SAXO1: variants seen among roughly 807,000 people sequenced by gnomAD.
SAXO1 encodes 4930500O09Rik.
In SAXO1, 21 loss-of-function variants were observed where a neutral mutation model predicts 17.5. That is an observed-to-expected ratio of 1.20 (90% CI 0.85 to 1.72). SAXO1 has a LOEUF of 1.72. Among genes scored for constraint, SAXO1 ranks in the 40% most tolerant of loss-of-function variants. SAXO1 has a pLI of 0.00. For missense variants in SAXO1, 843 were observed against 596.0 expected, an observed-to-expected ratio of 1.41 and a Z score of -4.32; for synonymous variants, 274 against 216.5, an observed-to-expected ratio of 1.27 and a Z score of -2.33.
upstream of SAXO1, among the ~76,000 whole-genome samples, chr9:19,034,273 T>TG (rs35905857): frequency 0.15 from 22,716 of 151,566 alleles, 2,402 homozygotes; most frequent in African/African-American, 0.31. Context: ...TCTTTTTGTG[T>TG]GGGGGGGGTT....
At chr9:18,948,110 A>G (rs980035192) in intron 2 of SAXO1, among the ~76,000 whole-genome samples, 1 of 152,158 alleles carries the variant, frequency 6.6e-6, no homozygotes, top group East Asian at 1.9e-4. Flanking sequence ...GTGTGCAGAC[A>G]CTGGGCTGTG....
At chr9:18,944,776 A>G (rs1300408410) in intron 2 of SAXO1, among the ~76,000 whole-genome samples, 1 of 152,196 alleles carries the variant, frequency 6.6e-6, no homozygotes, top group Non-Finnish European at 1.5e-5. Flanking sequence ...AAATAACGTA[A>G]CAGTGAGCTA....
chr9:19,005,591 G>C (rs1318685080), intron 1 of SAXO1, among the ~76,000 whole-genome samples: 1 of 152,192 alleles, frequency 6.6e-6, no homozygotes, highest in Admixed American at 6.5e-5. Flanking sequence ...GAAGAATGAA[G>C]TGGGACCCTT....
At chr9:18,987,683 A>C (rs1449344020) in intron 1 of SAXO1, among the ~76,000 whole-genome samples, 4 of 152,070 alleles carry the variant, frequency 2.6e-5, no homozygotes, top group Admixed American at 1.3e-4. Context: ...AGGATTGCTT[A>C]AGCTCAGGAG....
intron 1 of SAXO1, among the ~76,000 whole-genome samples, chr9:19,046,626 C>T (rs142483648): frequency 5.3e-5 from 8 of 151,656 alleles, no homozygotes; most frequent in Admixed American, 3.3e-4. Context: ...CGCTTGAACC[C>T]GGCAGGCAGA....
At chr9:19,030,877 A>C (rs1163886813) in intron 1 of SAXO1, among the ~76,000 whole-genome samples, 1 of 152,176 alleles carries the variant, frequency 6.6e-6, no homozygotes, top group Admixed American at 6.5e-5. Flanking sequence ...AGACAGATGG[A>C]TCACCAAAGC....
upstream of SAXO1, among the ~76,000 whole-genome samples, chr9:19,035,405 T>C (rs1454108756): frequency 6.6e-6 from 1 of 152,222 alleles, no homozygotes; most frequent in Non-Finnish European, 1.5e-5. Flanking sequence ...CCCAGCCATG[T>C]GGAACTGTAA....
At chr9:19,028,210 CA>C (rs35006095) in intron 1 of SAXO1, 113 of 1,034,748 alleles carry the variant, frequency 1.1e-4, no homozygotes, top group Non-Finnish European at 1.3e-4. Context: ...TAAAACAAAA[CA>C]AAAAAAATAC....
intron 1 of SAXO1, among the ~76,000 whole-genome samples, chr9:18,981,734 CAG>C (rs1339772886): frequency 6.6e-6 from 1 of 152,130 alleles, no homozygotes; most frequent in East Asian, 1.9e-4. Flanking sequence ...AGCAGGCTCA[CAG>C]GGATTGGGGC....
At chr9:19,044,279 T>C (rs142370607) in intron 1 of SAXO1, among the ~76,000 whole-genome samples, 1 of 152,194 alleles carries the variant, frequency 6.6e-6, no homozygotes, top group African/African-American at 2.4e-5. Context: ...TATATACACC[T>C]ACTATGTACC....
intron 3 of SAXO1, among the ~76,000 whole-genome samples, chr9:18,935,552 G>C (rs1447309780): frequency 6.6e-6 from 1 of 152,160 alleles, no homozygotes; most frequent in Non-Finnish European, 1.5e-5. Flanking sequence ...GGGATGATGA[G>C]TTGATAGATG....
intron 2 of SAXO1, among the ~76,000 whole-genome samples, chr9:18,942,069 C>T (rs147344353): frequency 1.6e-3 from 182 of 116,700 alleles, no homozygotes; most frequent in African/African-American, 1.0e-2. Flanking sequence ...CCTTTCCTCA[C>T]GGCCCCAGAG....
intron 1 of SAXO1, among the ~76,000 whole-genome samples, chr9:19,021,373 C>T (rs1294160133): frequency 6.6e-6 from 1 of 152,174 alleles, no homozygotes; most frequent in Non-Finnish European, 1.5e-5. Context: ...TCCCAACTAG[C>T]CATTAAATAC....
At chr9:19,025,323 A>T (rs10117419) in intron 1 of SAXO1, among the ~76,000 whole-genome samples, 9,614 of 152,260 alleles carry the variant, frequency 0.063, 443 homozygotes, top group African/African-American at 0.13. Flanking sequence ...AATTAAAAAT[A>T]AGAATTCTTC....
At chr9:19,014,961 A>C (rs1052426025) in intron 1 of SAXO1, among the ~76,000 whole-genome samples, 1 of 152,122 alleles carries the variant, frequency 6.6e-6, no homozygotes, top group Non-Finnish European at 1.5e-5. Flanking sequence ...CTAATACTTA[A>C]GGGGGTGGAG....
At chr9:19,013,540 A>ATTTTTTTTTTTTT (rs1219136885) in intron 1 of SAXO1, among the ~76,000 whole-genome samples, 5 of 93,206 alleles carry the variant, frequency 5.4e-5, no homozygotes, top group East Asian at 3.3e-4. Context: ...AAAAGTACGG[A>ATTTTTTTTTTTTT]TTTTTTTTTT....
intron 2 of SAXO1, among the ~76,000 whole-genome samples, chr9:18,942,866 A>G (rs543358299): frequency 4.4e-4 from 67 of 152,364 alleles, no homozygotes; most frequent in African/African-American, 1.6e-3. Flanking sequence ...GTTTTACACA[A>G]CAAACTGTTT....
chr9:19,022,198 G>A, intron 1 of SAXO1, among the ~76,000 whole-genome samples: 1 of 152,230 alleles, frequency 6.6e-6, no homozygotes. Context: ...AACACTCACT[G>A]CAAAGGTCTG....
intron 1 of SAXO1, among the ~76,000 whole-genome samples, chr9:19,026,264 G>A (rs1835467547): frequency 6.6e-6 from 1 of 152,128 alleles, no homozygotes; most frequent in Non-Finnish European, 1.5e-5. Flanking sequence ...ATGGTCCAGT[G>A]TGACTCGAAA....
Sources: allele counts gnomAD v4.1 joint callset (sites outside exome capture counted in the v4.1 genomes callset), GRCh38; gene constraint gnomAD v4.1.1; transcripts MANE v1.5; gene names NCBI Gene and HGNC (gene_info 2026-07-23, HGNC 2026-07-21).